The following LRRTM4 variants were observed in gnomAD, a reference collection of about 807,000 sequenced individuals.
The protein encoded by LRRTM4 is leucine-rich repeat transmembrane neuronal protein 4.
In LRRTM4, 25 loss-of-function variants were observed where a neutral mutation model predicts 47.6. That is an observed-to-expected ratio of 0.53 (90% CI 0.38 to 0.73). LRRTM4 has a LOEUF of 0.73. Ranked by LOEUF, LRRTM4 falls within the 30% of genes least tolerant of loss-of-function variation. The pLI, the probability that LRRTM4 is intolerant of heterozygous loss-of-function variation, is 0.00. For synonymous variants in LRRTM4, 311 were observed against 269.5 expected (o/e 1.15, Z -1.51); for missense variants, 638 against 713.4 (o/e 0.89, Z 1.20).
At chr2:77,107,813 C>A (rs1192192986) in intron 3 of LRRTM4, among the ~76,000 whole-genome samples, 7 of 55,108 alleles carry the variant, frequency 1.3e-4, no homozygotes, top group Admixed American at 3.8e-4. Flanking sequence ...AGTGAAAATC[C>A]AACTCAAAAA....
intron 3 of LRRTM4, among the ~76,000 whole-genome samples, chr2:76,893,957 A>G (rs1445555443): frequency 6.6e-6 from 1 of 151,952 alleles, no homozygotes; most frequent in East Asian, 1.9e-4. Flanking sequence ...ATAAGCAGAT[A>G]TATCACATGA....
chr2:77,413,544 T>C (rs1184000198), intron 3 of LRRTM4, among the ~76,000 whole-genome samples: 1 of 152,320 alleles, frequency 6.6e-6, no homozygotes, highest in East Asian at 1.9e-4. Context: ...GAATGGACAG[T>C]CCATCTGGCT....
chr2:77,273,529 A>G (rs1676261022), intron 3 of LRRTM4, among the ~76,000 whole-genome samples: 1 of 152,156 alleles, frequency 6.6e-6, no homozygotes, highest in Non-Finnish European at 1.5e-5. Flanking sequence ...GGATTTGGGT[A>G]GAATATAAGT....
intron 3 of LRRTM4, among the ~76,000 whole-genome samples, chr2:77,169,412 T>C (rs1672982956): frequency 6.6e-6 from 1 of 152,184 alleles, no homozygotes; most frequent in Non-Finnish European, 1.5e-5. Context: ...ACAGTCTTTT[T>C]CTCCTTAGAT....
rs1351831080 is a variant in LRRTM4, at chr2:77,386,073, G to A, written c.1551+132245C>T. Among the ~76,000 whole-genome samples, 5 of 151,862 alleles carry A rather than the reference G, an allele frequency of 3.3e-5. No homozygotes were observed. In the East Asian group the frequency reaches 9.7e-4, roughly 29 times the overall value. On this transcript the variant is annotated intron_variant, in intron 3 of 3. Transcript: ENST00000409884. The stretch of plus-strand genomic sequence containing the variant: ...TGCCCAGCCACATGGTACAATTTTA[G>A]CAGTTCTGAAATAAACCAATTATTT...
chr2:76,930,886 A>C (rs537477588), intron 3 of LRRTM4, among the ~76,000 whole-genome samples: 1 of 152,336 alleles, frequency 6.6e-6, no homozygotes, highest in Non-Finnish European at 1.5e-5. Flanking sequence ...ATAAATTATA[A>C]TGAATTACAT....
At chr2:77,483,401 T>C (rs1222440335) in intron 3 of LRRTM4, among the ~76,000 whole-genome samples, 3 of 152,030 alleles carry the variant, frequency 2.0e-5, no homozygotes, top group African/African-American at 7.2e-5. Context: ...AGTGCAATGG[T>C]ATGATCTCTG....
chr2:76,934,485 T>G (rs1415549266), intron 3 of LRRTM4, among the ~76,000 whole-genome samples: 1 of 152,198 alleles, frequency 6.6e-6, no homozygotes, highest in African/African-American at 2.4e-5. Flanking sequence ...CTCACACAGT[T>G]GTTGCAAGAC....
chr2:77,040,949 C>T (rs1208686004), intron 3 of LRRTM4, among the ~76,000 whole-genome samples: 1 of 151,470 alleles, frequency 6.6e-6, no homozygotes. Flanking sequence ...TCAAAATCCT[C>T]TATTGTAGCT....
chr2:77,117,225 CAT>C (rs1241413377), intron 3 of LRRTM4, among the ~76,000 whole-genome samples: 5 of 151,778 alleles, frequency 3.3e-5, no homozygotes, highest in South Asian at 2.1e-4. Context: ...ACTATTTTGA[CAT>C]ATGTTTTCAA....
intron 3 of LRRTM4, among the ~76,000 whole-genome samples, chr2:77,422,545 T>C (rs1393908448): frequency 6.6e-6 from 1 of 152,196 alleles, no homozygotes. Context: ...TTGCAAGAGA[T>C]GGAATACATT....
At chr2:77,446,057 T>C (rs1352443104) in intron 3 of LRRTM4, among the ~76,000 whole-genome samples, 3 of 152,066 alleles carry the variant, frequency 2.0e-5, no homozygotes, top group Admixed American at 1.3e-4. Flanking sequence ...TGATAGGTTA[T>C]ATAACGTAAG....
intron 3 of LRRTM4, among the ~76,000 whole-genome samples, chr2:77,301,358 A>C (rs1206488405): frequency 6.6e-6 from 1 of 152,138 alleles, no homozygotes; most frequent in Non-Finnish European, 1.5e-5. Context: ...AAAATAATTT[A>C]AGCAGGCACT....
chr2:77,334,846 C>T (rs1357566398), intron 3 of LRRTM4, among the ~76,000 whole-genome samples: 1 of 152,120 alleles, frequency 6.6e-6, no homozygotes, highest in East Asian at 1.9e-4. Context: ...AGTTTTCTAA[C>T]CCCCACTGGG....
Position 77,362,115 on chromosome 2 carries a change from G to GAAAGAA in LRRTM4, c.1551+156202_1551+156203insTTCTTT, listed in dbSNP as rs1332592144. Among the ~76,000 whole-genome samples the GAAAGAA allele has an allele frequency of 1.3e-4, 13 of 98,840 alleles. No homozygotes were observed. In the Admixed American group the frequency reaches 1.3e-3, roughly 10 times the overall value. The allele number at this position is 98,840 out of a possible 152,430, so 64.8% of individuals were successfully genotyped here. The stretch of plus-strand genomic sequence containing the variant: ...AAAAGGAAAAGGAAAGAAAGAAAGA[G>GAAAGAA]AGAAAGAAAGAAAGAAAGAAAGAAA... On this transcript the variant is annotated intron_variant, in intron 3 of 3. Transcript: ENST00000409884.
intron 3 of LRRTM4, among the ~76,000 whole-genome samples, chr2:76,899,646 A>G (rs1573279591): frequency 1.3e-5 from 2 of 152,170 alleles, no homozygotes. Context: ...GGCAGGAAAA[A>G]GTAATAGAAA....
intron 3 of LRRTM4, among the ~76,000 whole-genome samples, chr2:77,294,147 C>T (rs988275896): frequency 2.6e-5 from 4 of 151,802 alleles, no homozygotes; most frequent in Non-Finnish European, 5.9e-5. Flanking sequence ...TATAATTATT[C>T]TCTGTTTTTG....
chr2:77,451,842 A>G (rs1197444499), intron 3 of LRRTM4, among the ~76,000 whole-genome samples: 1 of 152,182 alleles, frequency 6.6e-6, no homozygotes, highest in Admixed American at 6.5e-5. Flanking sequence ...CTGAGACACA[A>G]ATAGTGAGAA....
chr2:77,263,928 G>A (rs2104048489), intron 3 of LRRTM4, among the ~76,000 whole-genome samples: 1 of 151,970 alleles, frequency 6.6e-6, no homozygotes, highest in Admixed American at 6.6e-5. Context: ...TTTCCTGATG[G>A]TGTCTATACA....
Sources: allele counts gnomAD v4.1 joint callset (sites outside exome capture counted in the v4.1 genomes callset), GRCh38; gene constraint gnomAD v4.1.1; transcripts MANE v1.5; gene names NCBI Gene and HGNC (gene_info 2026-07-23, HGNC 2026-07-21).